The following BRINP3 variants were observed in gnomAD, a reference collection of about 807,000 sequenced individuals.
The protein encoded by BRINP3 is BMP/retinoic acid inducible neural specific 3.
A neutral mutation model predicts 71.0 loss-of-function variants in BRINP3; 19 were observed. That is an observed-to-expected ratio of 0.27 (90% CI 0.19 to 0.39). The LOEUF is 0.39. Ranked by LOEUF, BRINP3 falls within the 10% of genes least tolerant of loss-of-function variation. The pLI is 1.00. For missense variants in BRINP3, 959 were observed against 940.8 expected (o/e 1.02, Z -0.25); for synonymous variants, 380 against 337.7 (o/e 1.13, Z -1.37).
At chr1:190,419,750 T>G (rs2102452539) in intron 2 of BRINP3, among the ~76,000 whole-genome samples, 1 of 150,468 alleles carries the variant, frequency 6.6e-6, no homozygotes, top group Middle Eastern at 3.4e-3. Flanking sequence ...CAACACACAT[T>G]AACTTTCTAA....
intron 6 of BRINP3, among the ~76,000 whole-genome samples, chr1:190,187,955 T>C (rs922642651): frequency 1.8e-4 from 27 of 152,056 alleles, no homozygotes; most frequent in African/African-American, 6.3e-4. Flanking sequence ...ATTTAATCTA[T>C]AGATTGTTTT....
intron 2 of BRINP3, among the ~76,000 whole-genome samples, chr1:190,399,643 AC>A (rs1232200141): frequency 6.6e-6 from 1 of 151,996 alleles, no homozygotes; most frequent in African/African-American, 2.4e-5. Context: ...CCTTGTGTCG[AC>A]CACCATGTAC....
intron 7 of BRINP3, among the ~76,000 whole-genome samples, chr1:190,122,726 T>C (rs932330887): frequency 2.6e-5 from 4 of 152,104 alleles, no homozygotes; most frequent in Non-Finnish European, 5.9e-5. Context: ...ACTTAAAGTA[T>C]AATACAAAAA....
At chr1:190,304,432 C>CA (rs1247591408) in intron 2 of BRINP3, among the ~76,000 whole-genome samples, 1 of 151,712 alleles carries the variant, frequency 6.6e-6, no homozygotes, top group Non-Finnish European at 1.5e-5. Flanking sequence ...AGAACAGACA[C>CA]ATAGACCAAT....
rs200035613 is a variant in BRINP3, at chr1:190,412,396, T to A, written c.236+42259A>T. Among the ~76,000 whole-genome samples the A allele has an allele frequency of 1.8e-3, 25 of 14,164 alleles. No homozygotes were observed. In the East Asian group the frequency reaches 0.051, roughly 29 times the overall value. The allele number at this position is 14,164 out of a possible 152,430, so 9.3% of individuals were successfully genotyped here. ...CAACAAAGAAAAGATATATATATAT[T>A]ATATATATATATATATATACACTTT... On this transcript the variant is annotated intron_variant, in intron 2 of 7. Coordinates refer to ENST00000367462, the MANE Select transcript of BRINP3 (RefSeq NM_199051.3).
At chr1:190,369,969 G>T (rs891092951) in intron 2 of BRINP3, among the ~76,000 whole-genome samples, 9 of 152,124 alleles carry the variant, frequency 5.9e-5, no homozygotes, top group African/African-American at 2.2e-4. Flanking sequence ...TCATTATGGA[G>T]TTGGTCACTG....
intron 7 of BRINP3, among the ~76,000 whole-genome samples, chr1:190,150,576 T>G (rs1221135466): frequency 2.0e-5 from 3 of 152,166 alleles, no homozygotes; most frequent in Non-Finnish European, 4.4e-5. Context: ...CGACATCTTA[T>G]TATTTATTAG....
intron 2 of BRINP3, among the ~76,000 whole-genome samples, chr1:190,381,675 A>G (rs1670557408): frequency 6.6e-6 from 1 of 152,144 alleles, no homozygotes; most frequent in Admixed American, 6.6e-5. Context: ...AATATCAAAT[A>G]ATAATAATGT....
chr1:190,230,340 C>A (rs1031018004), intron 5 of BRINP3, among the ~76,000 whole-genome samples: 1 of 151,830 alleles, frequency 6.6e-6, no homozygotes, highest in Non-Finnish European at 1.5e-5. Context: ...TATGGCAAGA[C>A]AAATAGCTAA....
At chr1:190,470,194 A>G (rs1677038045) in intron 1 of BRINP3, among the ~76,000 whole-genome samples, 1 of 151,042 alleles carries the variant, frequency 6.6e-6, no homozygotes, top group Non-Finnish European at 1.5e-5. Context: ...AAGTTAATAA[A>G]AAAAAGCTTA....
rs144478148 is a variant in BRINP3 at position 190,249,586 on chromosome 1, A to C, written c.619-15109T>G. On this transcript the variant is annotated intron_variant, in intron 4 of 7. Transcript: ENST00000367462. ...GCAAAAATAGTAATATATTATGTCA[A>C]AAATATGATAATTTTATAATTTCCA... 9.2e-5 allele frequency among the ~76,000 whole-genome samples: 14 copies of C among 152,026 alleles called. No individual in the cohort carries two copies. The East Asian group carries it at 2.5e-3, about 27-fold the overall frequency.
Position 190,127,936 on chromosome 1 carries a change from C to T in BRINP3, c.1185-28802G>A, listed in dbSNP as rs546881157. On this transcript the variant is annotated intron_variant, in intron 7 of 7. Transcript: ENST00000367462. ...TATTTCAACTTGAGGATTCCAGGATCAATAGGATAGGGAAAGAAAAGACAA... is the reference window on the plus strand; with the variant it reads ...TATTTCAACTTGAGGATTCCAGGATTAATAGGATAGGGAAAGAAAAGACAA... Among the ~76,000 whole-genome samples the T allele has an allele frequency of 8.6e-5, 13 of 151,748 alleles. No individual in the cohort carries two copies. In the East Asian group the frequency reaches 2.3e-3, roughly 27 times the overall value.
At chr1:190,288,288 A>G (rs1157356386) in intron 2 of BRINP3, among the ~76,000 whole-genome samples, 1 of 151,978 alleles carries the variant, frequency 6.6e-6, no homozygotes, top group Non-Finnish European at 1.5e-5. Context: ...AATAAAATAA[A>G]ATAAAATATT....
chr1:190,128,542 A>G (rs1199615945), intron 7 of BRINP3, among the ~76,000 whole-genome samples: 3 of 151,798 alleles, frequency 2.0e-5, no homozygotes, highest in Non-Finnish European at 4.4e-5. Context: ...CAGAACTTAA[A>G]TATCAACTTG....
chr1:190,426,914 T>C (rs1479910112), intron 2 of BRINP3, among the ~76,000 whole-genome samples: 1 of 151,888 alleles, frequency 6.6e-6, no homozygotes, highest in Non-Finnish European at 1.5e-5. Context: ...GAGATTAGTA[T>C]GAGAATTAAA....
At chr1:190,236,967 A>C (rs1328551738) in intron 4 of BRINP3, among the ~76,000 whole-genome samples, 1 of 151,872 alleles carries the variant, frequency 6.6e-6, no homozygotes, top group East Asian at 1.9e-4. Context: ...TGATCTTGGA[A>C]AAGGGAAGGT....
intron 2 of BRINP3, among the ~76,000 whole-genome samples, chr1:190,397,411 GCT>G (rs563539335): frequency 1.1e-3 from 166 of 151,860 alleles, no homozygotes; most frequent in Non-Finnish European, 2.0e-3. Context: ...TGCATTTCTA[GCT>G]CTCTTTCTCC....
At position 190,262,590 on chromosome 1, in the gene BRINP3, C is replaced by T. The variant is rs867076375; in HGVS notation, c.618+2275G>A. 3.3e-5 allele frequency among the ~76,000 whole-genome samples: 5 copies of T among 152,274 alleles called. No individual in the cohort carries two copies. The South Asian group carries it at 8.3e-4, about 25-fold the overall frequency. On this transcript the variant is annotated intron_variant, in intron 4 of 7. Transcript: ENST00000367462. ...TTTCCACCCATCTCCAGCTACTCTACACACACTTTAAATCATTTTTATTAT... is the reference window on the plus strand; with the variant it reads ...TTTCCACCCATCTCCAGCTACTCTATACACACTTTAAATCATTTTTATTAT...
At chr1:190,161,058 T>A (rs747515299) in intron 6 of BRINP3, among the ~76,000 whole-genome samples, 168 bp from the exon 7 acceptor site, 1 of 151,908 alleles carries the variant, frequency 6.6e-6, no homozygotes, top group Non-Finnish European at 1.5e-5. Context: ...GAAGATGGGG[T>A]TTTTAGATGC....
Sources: gnomAD v4.1 joint callset for allele counts (sites outside exome capture counted in the v4.1 genomes callset) on GRCh38, gnomAD v4.1.1 for gene constraint, MANE v1.5 for transcripts, NCBI Gene and HGNC (gene_info 2026-07-23, HGNC 2026-07-21) for gene names.